The following PCDHGA3 variants were observed in gnomAD, a reference collection of about 807,000 sequenced individuals.
PCDHGA3 encodes protocadherin gamma-A3.
A neutral mutation model predicts 58.5 loss-of-function variants in PCDHGA3; 40 were observed. That is an observed-to-expected ratio of 0.68 (90% confidence interval 0.53 to 0.89). The LOEUF is 0.89. Ranked by LOEUF, PCDHGA3 falls within the 40% of genes least tolerant of loss-of-function variation. The pLI is 0.00. For synonymous variants in PCDHGA3, 530 were observed against 525.7 expected (o/e 1.01, Z -0.11); for missense variants, 1,223 against 1,195.9 (o/e 1.02, Z -0.33).
intron 1 of PCDHGA3, chr5:141,479,646 A>G (rs2099501987): frequency 6.6e-6 from 1 of 152,256 alleles, no homozygotes; most frequent in Admixed American, 6.5e-5. Context: ...CAACAACAAC[A>G]ACAACAATCC....
At chr5:141,407,738 A>G (rs928743977) in intron 1 of PCDHGA3, among the ~76,000 whole-genome samples, 3 of 152,046 alleles carry the variant, frequency 2.0e-5, no homozygotes, top group Admixed American at 2.0e-4. Context: ...CACTATATAT[A>G]CTCCCTACTG....
intron 1 of PCDHGA3, chr5:141,366,223 C>A: frequency 1.1e-5 from 17 of 1,613,836 alleles, no homozygotes; most frequent in Non-Finnish European, 1.4e-5. Context: ...CAGCGCGAGC[C>A]CTGCTGGACA....
intron 1 of PCDHGA3, chr5:141,351,167 T>A (rs745490255): frequency 1.2e-6 from 2 of 1,613,946 alleles, no homozygotes; most frequent in Non-Finnish European, 1.7e-6. Flanking sequence ...CAATGGCACA[T>A]TGGATTTTGA....
intron 1 of PCDHGA3, chr5:141,375,310 T>C: frequency 6.2e-7 from 1 of 1,613,814 alleles, no homozygotes; most frequent in Non-Finnish European, 8.5e-7. Context: ...CAAATGCAGC[T>C]CTAGACCGGG....
chr5:141,443,309 C>T (rs2098379780), intron 1 of PCDHGA3, among the ~76,000 whole-genome samples: 1 of 131,436 alleles, frequency 7.6e-6, no homozygotes, highest in African/African-American at 3.4e-5. Flanking sequence ...GGCAAAAACC[C>T]ATCTCTACAA....
intron 1 of PCDHGA3, chr5:141,399,141 C>G: frequency 6.2e-7 from 1 of 1,613,778 alleles, no homozygotes; most frequent in Non-Finnish European, 8.5e-7. Flanking sequence ...ATGAAAATGA[C>G]AATAGCCCAG....
At chr5:141,445,575 G>A (rs571896159) in intron 1 of PCDHGA3, among the ~76,000 whole-genome samples, 18 of 152,262 alleles carry the variant, frequency 1.2e-4, no homozygotes, top group African/African-American at 4.3e-4. Flanking sequence ...CTTATAGTAG[G>A]GAAGCTTCGC....
intron 1 of PCDHGA3, chr5:141,364,981 C>A (rs756594174): frequency 7.2e-5 from 116 of 1,613,766 alleles, no homozygotes; most frequent in Non-Finnish European, 8.6e-5. Context: ...CTTTAGATGG[C>A]GGAGACCCGG....
intron 1 of PCDHGA3, chr5:141,441,126 C>T (rs1319809408): frequency 6.6e-6 from 1 of 152,062 alleles, no homozygotes; most frequent in Non-Finnish European, 1.5e-5. Context: ...CAGTTGAGAC[C>T]GAATTTCTAG....
chr5:141,500,554 C>A (rs2099801320), intron 2 of PCDHGA3, among the ~76,000 whole-genome samples: 1 of 152,212 alleles, frequency 6.6e-6, no homozygotes, highest in Admixed American at 6.5e-5. Context: ...AAGTTGTTCA[C>A]AAACTTGTCA....
At position 141,365,186 on chromosome 5, in the gene PCDHGA3, G is replaced by A. The variant is rs775485996; in HGVS notation, c.2424+18729G>A. ...GACCTACTCTTTTCGCAATGAAGAA[G>A]AAAAAATTTCGGAGACTTTCCAACT... On this transcript the variant is annotated intron_variant, in intron 1 of 3. Transcript: ENST00000253812. 8.1e-6 allele frequency: 13 copies of A among 1,613,880 alleles called. 1 individual carries two copies. In the South Asian group the frequency reaches 1.1e-4, roughly 14 times the overall value.
rs574260415 is a variant in PCDHGA3, at chr5:141,354,689, C to T, written c.2424+8232C>T. On this transcript the variant is annotated intron_variant, in intron 1 of 3. Transcript: ENST00000253812. ...TTAGGAGAGATAATTATGTCCCTCA[C>T]ACAATACGCTATACTGAGAATGGGC... Among the ~76,000 whole-genome samples, 8 of 152,264 alleles carry T rather than the reference C, an allele frequency of 5.3e-5. No individual in the cohort carries two copies. In the East Asian group the frequency reaches 1.5e-3, roughly 29 times the overall value.
At chr5:141,365,845 A>T in intron 1 of PCDHGA3, 2 of 1,613,920 alleles carry the variant, frequency 1.2e-6, no homozygotes, top group Non-Finnish European at 1.7e-6. Flanking sequence ...CCTCCTATGT[A>T]TCCATTAACT....
At position 141,491,645 on chromosome 5, in the gene PCDHGA3, C is replaced by T; in HGVS notation, c.2425-3162C>T. On this transcript the variant is annotated intron_variant, in intron 1 of 3. Transcript: ENST00000253812. The surrounding 1 kb of genome is among the most constrained non-coding windows in gnomAD (Gnocchi z 6.9). ...AGCGTTCAGCAGCCCACAGCTCTGG[C>T]GCTGGAGCCTGACGCCATCCGGTCC... 1.2e-6 allele frequency: 2 copies of T among 1,613,890 alleles called. No homozygotes were observed. Among genetic ancestry groups the T allele is most frequent in the African/African-American group, 1.3e-5 (1 of 75,082 alleles).
At chr5:141,433,264 G>T in intron 1 of PCDHGA3, 1 of 1,314,872 alleles carries the variant, frequency 7.6e-7, no homozygotes, top group South Asian at 1.4e-5. Flanking sequence ...TACGATCATA[G>T]CTCACTGCAG....
chr5:141,475,049 A>G (rs553607902), intron 1 of PCDHGA3, among the ~76,000 whole-genome samples: 81 of 152,346 alleles, frequency 5.3e-4, no homozygotes, highest in African/African-American at 1.8e-3. Context: ...TGTATTTTCT[A>G]AAGATTTGTG....
In PCDHGA3 at chr5:141,493,026, C is replaced by T. The variant is rs73280358; in HGVS notation, c.2425-1781C>T. 6.6e-6 allele frequency among the ~76,000 whole-genome samples: 1 copy of T among 152,190 alleles called. No individual in the cohort carries two copies. The highest frequency in any genetic ancestry group is 1.5e-5 in the Non-Finnish European group (1 of 68,034). Reference sequence around the variant, plus strand: ...TAGGCTCTGCCAGATGCCAGGGTGCCCTTATGTGTGAGGAAACTACAATAG... The same window carrying T: ...TAGGCTCTGCCAGATGCCAGGGTGCTCTTATGTGTGAGGAAACTACAATAG... On this transcript the variant is annotated intron_variant, in intron 1 of 3. Coordinates refer to ENST00000253812, the MANE Select transcript of PCDHGA3 (RefSeq NM_018916.4). This position sits in a 1 kb window ranked among gnomAD's most constrained non-coding sequence, Gnocchi z 4.3.
chr5:141,409,220 G>A (rs1327857530), intron 1 of PCDHGA3: 1 of 1,613,988 alleles, frequency 6.2e-7, no homozygotes, highest in Non-Finnish European at 8.5e-7. Context: ...AATCCTTGAT[G>A]AAAACGACAA....
intron 1 of PCDHGA3, chr5:141,357,188 C>T: frequency 6.2e-7 from 1 of 1,613,782 alleles, no homozygotes; most frequent in South Asian, 1.1e-5. Flanking sequence ...CTCACTGTGG[C>T]TGTGGCCGAC....
Sources: gnomAD v4.1 joint callset for allele counts (sites outside exome capture counted in the v4.1 genomes callset) on GRCh38, gnomAD v4.1.1 for gene constraint, Gnocchi (gnomAD v3.1) non-coding constraint, MANE v1.5 for transcripts, NCBI Gene and HGNC (gene_info 2026-07-23, HGNC 2026-07-21) for gene names.